Variants in ATXN2 observed in about 807,000 individuals in gnomAD.
The protein encoded by ATXN2 is ataxin-2.
In ATXN2, 37 loss-of-function variants were observed where a neutral mutation model predicts 138.6. The observed-to-expected ratio is 0.27, with a 90% CI of 0.21 to 0.35. The LOEUF is 0.35. Among genes scored for constraint, ATXN2 ranks in the 10% least tolerant of loss-of-function variants. The pLI is 1.00. For missense variants in ATXN2, 1,216 were observed against 1,480.3 expected (o/e 0.82, Z 2.93); for synonymous variants, 549 against 543.7 (o/e 1.01, Z -0.13).
intron 5 of ATXN2, among the ~76,000 whole-genome samples, chr12:111,549,814 A>G (rs983212028): frequency 2.0e-5 from 3 of 152,230 alleles, no homozygotes; most frequent in Non-Finnish European, 4.4e-5. Flanking sequence ...CTATAATCCC[A>G]GCACTCTGGG....
chr12:111,559,404 T>C (rs1007922330), intron 1 of ATXN2, among the ~76,000 whole-genome samples: 1 of 151,432 alleles, frequency 6.6e-6, no homozygotes, highest in Admixed American at 6.6e-5. Context: ...CGGCCAAAGA[T>C]GACGGTTTAA....
intron 1 of ATXN2, among the ~76,000 whole-genome samples, chr12:111,571,265 A>G (rs1008193567): frequency 5.3e-5 from 8 of 152,228 alleles, no homozygotes; most frequent in African/African-American, 1.9e-4. Flanking sequence ...GGGGATTAGG[A>G]TGCCAAATAG....
chr12:111,468,121 A>C (rs1351114257), intron 20 of ATXN2, among the ~76,000 whole-genome samples: 2 of 152,274 alleles, frequency 1.3e-5, no homozygotes, highest in African/African-American at 4.8e-5. Flanking sequence ...AATCATAATG[A>C]ACTTTTAACC....
intron 5 of ATXN2, among the ~76,000 whole-genome samples, chr12:111,530,919 A>C (rs1449967479): frequency 6.6e-6 from 1 of 151,990 alleles, no homozygotes; most frequent in Non-Finnish European, 1.5e-5. Flanking sequence ...TGAGGTCCGG[A>C]GTTCGAGACC....
chr12:111,470,971 TTCAGGTG>T, intron 18 of ATXN2: 1 of 524,096 alleles, frequency 1.9e-6, no homozygotes, highest in Non-Finnish European at 3.4e-6. Context: ...TGCTTCATCC[TTCAGGTG>T]TCAGCTTGAA....
intron 1 of ATXN2, among the ~76,000 whole-genome samples, chr12:111,567,119 TA>T (rs1566068750): frequency 6.6e-6 from 1 of 152,230 alleles, no homozygotes; most frequent in Non-Finnish European, 1.5e-5. Flanking sequence ...TTCTCATGGA[TA>T]AGCAAAGAAA....
rs142695947 is a variant in ATXN2, at chr12:111,513,555, T to A, written c.1376-16A>T. 1.5e-4 allele frequency: 248 copies of A among 1,602,016 alleles called. 4 individuals are homozygous for A. In the East Asian group the frequency reaches 5.5e-3, roughly 35 times the overall value. On this transcript the variant is annotated splice_polypyrimidine_tract_variant and intron_variant, in intron 10 of 24. Transcript: ENST00000673436. ...CTTGGAGGCCCTAAGGAAGAAACAG[T>A]GAACATCACATAAATTCCATGATAT...
intron 14 of ATXN2, among the ~76,000 whole-genome samples, chr12:111,501,101 T>C (rs1399660859): frequency 6.6e-6 from 1 of 152,142 alleles, no homozygotes; most frequent in African/African-American, 2.4e-5. Flanking sequence ...TATATGCCTT[T>C]ATCTAAATAT....
intron 5 of ATXN2, among the ~76,000 whole-genome samples, chr12:111,531,318 C>T (rs540908821): frequency 6.6e-6 from 1 of 152,266 alleles, no homozygotes; most frequent in African/African-American, 2.4e-5. Flanking sequence ...GAGGCTGAGG[C>T]AGGCGAATTG....
At chr12:111,576,432 G>A (rs376755881) in intron 1 of ATXN2, among the ~76,000 whole-genome samples, 2 of 152,066 alleles carry the variant, frequency 1.3e-5, no homozygotes, top group Admixed American at 6.6e-5. Flanking sequence ...GCAACAGAGT[G>A]AGACTCCATC....
intron 1 of ATXN2, among the ~76,000 whole-genome samples, chr12:111,596,026 C>T (rs1471763870): frequency 6.6e-6 from 1 of 152,116 alleles, no homozygotes; most frequent in African/African-American, 2.4e-5. Context: ...GGCAAAATCC[C>T]GTCCTCACTA....
chr12:111,571,692 T>C (rs766579916), intron 1 of ATXN2, among the ~76,000 whole-genome samples: 1 of 152,140 alleles, frequency 6.6e-6, no homozygotes, highest in Non-Finnish European at 1.5e-5. Context: ...TATTTTCACA[T>C]GGCTTAAAGC....
Position 111,598,885 on chromosome 12 carries a change from G to A in ATXN2, c.150C>T (p.Ala50=). The A allele has an allele frequency of 3.3e-6, 5 of 1,497,616 alleles. No homozygotes were observed. Among genetic ancestry groups the A allele is most frequent in the Non-Finnish European group, 4.4e-6 (5 of 1,129,812 alleles). 92.8% of individuals were successfully genotyped at this position (1,497,616 alleles called of 1,614,324 possible). The change falls in exon 1 of 25, where the codon GCC becomes GCT. Residue 50 remains alanine, a synonymous_variant. Coordinates refer to ENST00000673436, the MANE Select transcript of ATXN2 (RefSeq NM_001372574.1). This position sits in a 1 kb window ranked among gnomAD's most constrained non-coding sequence, Gnocchi z 4.5. ...GGSGLLASPA[A]APSPSSSSVS... Reference sequence around the variant, plus strand: ...CCGAGGACGAGGACGGCGAAGGCGCGGCGGCGGGCGACGCTAGAAGGCCGC... The same window carrying A: ...CCGAGGACGAGGACGGCGAAGGCGCAGCGGCGGGCGACGCTAGAAGGCCGC...
At position 111,453,802 on chromosome 12, in the gene ATXN2, T is replaced by G; in HGVS notation, c.3314A>C (p.His1105Pro). The change falls in exon 24 of 25, where the codon CAT becomes CCT. Residue 1105 changes from histidine to proline, a missense_variant. His to Pro is a moderately conservative substitution (Grantham distance 77). Coordinates refer to ENST00000673436, the MANE Select transcript of ATXN2 (RefSeq NM_001372574.1). The surrounding 1 kb of genome is among the most constrained non-coding windows in gnomAD (Gnocchi z 5.4). ...SGMVPSHPTA[H>P]APMMLMTTQP... is the part of the protein sequence containing the mutation. Reference sequence around the variant, plus strand: ...TGTCGTCATTAGCATCATTGGCGCATGGGCAGTTGGATGAGAAGGAACCAT... The same window carrying G: ...TGTCGTCATTAGCATCATTGGCGCAGGGGCAGTTGGATGAGAAGGAACCAT... The G allele has an allele frequency of 6.2e-7, 1 of 1,614,068 alleles. No homozygotes were observed. The highest frequency in any genetic ancestry group is 8.5e-7 in the Non-Finnish European group (1 of 1,179,978).
intron 1 of ATXN2, chr12:111,597,903 A>T: frequency 7.8e-7 from 1 of 1,281,806 alleles, no homozygotes; most frequent in Non-Finnish European, 1.0e-6. Context: ...GCCTGGGTCC[A>T]GCCCTCACCC....
chr12:111,535,748 C>A (rs1056963223), intron 5 of ATXN2, among the ~76,000 whole-genome samples: 1 of 152,042 alleles, frequency 6.6e-6, no homozygotes, highest in Non-Finnish European at 1.5e-5. Context: ...CGCCTGTAAT[C>A]CCAGCACTTT....
intron 1 of ATXN2, among the ~76,000 whole-genome samples, chr12:111,575,221 T>C (rs1883565678): frequency 6.6e-6 from 1 of 151,976 alleles, no homozygotes; most frequent in Non-Finnish European, 1.5e-5. Flanking sequence ...ACCAGACTGC[T>C]GATAAGAGGG....
At chr12:111,469,318 G>GA in intron 20 of ATXN2, 1 of 152,226 alleles carries the variant, frequency 6.6e-6, no homozygotes, top group Non-Finnish European at 1.5e-5. Flanking sequence ...AACATATTCT[G>GA]AAAAACATTT....
At chr12:111,485,620 T>C (rs1039638666) in intron 17 of ATXN2, 93 bp downstream of exon 17, 2 of 1,473,520 alleles carry the variant, frequency 1.4e-6, no homozygotes, top group African/African-American at 1.4e-5. Flanking sequence ...TGCATAACCA[T>C]CACACCCTCA....
Sources: allele counts gnomAD v4.1 joint callset (sites outside exome capture counted in the v4.1 genomes callset), GRCh38; gene constraint gnomAD v4.1.1; non-coding constraint Gnocchi (gnomAD v3.1); transcripts MANE v1.5; gene names NCBI Gene and HGNC (gene_info 2026-07-23, HGNC 2026-07-21).